ADAMTSL5: variants seen among roughly 807,000 people sequenced by gnomAD.
ADAMTSL5 encodes the protein ADAMTS-like protein 5.
A neutral mutation model predicts 51.7 loss-of-function variants in ADAMTSL5; 53 were observed. That is an observed-to-expected ratio of 1.03 (90% CI 0.82 to 1.29). The LOEUF (loss-of-function observed/expected upper bound fraction) is 1.29, where lower values mean the gene tolerates loss of function less well. Ranked by LOEUF, ADAMTSL5 falls within the 50% of genes most tolerant of loss-of-function variation. The pLI is 0.00. For synonymous variants in ADAMTSL5, 285 were observed against 278.7 expected (o/e 1.02, Z -0.23); for missense variants, 770 against 676.2 (o/e 1.14, Z -1.54).
intron 3 of ADAMTSL5, 29 bp downstream of exon 3, chr19:1,510,610 G>T: frequency 6.6e-7 from 1 of 1,513,972 alleles, no homozygotes; most frequent in Non-Finnish European, 8.9e-7. Flanking sequence ...GGGGAGGAGG[G>T]GCAGGGACCC....
intron 5 of ADAMTSL5, 42 bp downstream of exon 5, chr19:1,510,108 C>A: frequency 6.7e-7 from 1 of 1,491,818 alleles, no homozygotes; most frequent in South Asian, 1.2e-5. Flanking sequence ...ATGAGTTGTT[C>A]GCTCTGGACC....
intron 9 of ADAMTSL5, 33 bp downstream of exon 9, chr19:1,507,209 C>A (rs745317011): frequency 1.4e-5 from 22 of 1,517,750 alleles, no homozygotes; most frequent in Admixed American, 2.2e-5. Context: ...CCCCAGCCGA[C>A]CCCCTCTGAC....
chr19:1,510,297 C>A (rs1430652557), intron 4 of ADAMTSL5, 39 bp from the exon 5 acceptor site: 1 of 1,612,358 alleles, frequency 6.2e-7, no homozygotes, highest in South Asian at 1.1e-5. Flanking sequence ...CTGGGACAAC[C>A]CCAAGGGGCA....
chr19:1,507,307 G>T lies in ADAMTSL5; in HGVS notation c.787C>A (p.Arg263=). 1 of 1,590,852 alleles carries T rather than the reference G, an allele frequency of 6.3e-7. No individual in the cohort carries two copies. Among genetic ancestry groups the T allele is most frequent in the Non-Finnish European group, 8.6e-7 (1 of 1,167,864 alleles). The change falls in exon 9 of 12, where the codon CGA becomes AGA. Residue 263 remains arginine, a synonymous_variant. Coordinates refer to ENST00000330475, the MANE Select transcript of ADAMTSL5 (RefSeq NM_213604.3). ...EAAGTHVVYT[R]DTGPQETLQA... ...AATGTCTCCTGGGGCCCTGTGTCTC[G>T]GGTGTAGACCACATGCGTGCCGGCC...
chr19:1,508,853 T>A (rs142029004), intron 5 of ADAMTSL5: 3 of 332,606 alleles, frequency 9.0e-6, no homozygotes, highest in Non-Finnish European at 1.6e-5. Context: ...TTTAACACCA[T>A]TACTCATTCT....
In ADAMTSL5 at chr19:1,510,436, G is replaced by A. The variant is rs1437221307; in HGVS notation, c.192-8C>T. 6.2e-7 allele frequency: 1 copy of A among 1,608,022 alleles called. No homozygotes were observed. Among genetic ancestry groups the A allele is most frequent in the Non-Finnish European group, 8.5e-7 (1 of 1,178,354 alleles). On this transcript the variant is annotated splice_region_variant and splice_polypyrimidine_tract_variant and intron_variant, in intron 3 of 11. Coordinates refer to ENST00000330475, the MANE Select transcript of ADAMTSL5 (RefSeq NM_213604.3). Reference sequence around the variant, plus strand: ...GGTTCTTCCCCAGGAAGCCTGAAGGGAGACAGAGTGTGGCGAGAACCCCCA... The same window carrying A: ...GGTTCTTCCCCAGGAAGCCTGAAGGAAGACAGAGTGTGGCGAGAACCCCCA...
intron 3 of ADAMTSL5, 66 bp from the exon 4 acceptor site, chr19:1,510,494 C>A: frequency 6.5e-7 from 1 of 1,527,000 alleles, no homozygotes. Context: ...CTTCCACCCT[C>A]CGCCCCCGCC....
intron 7 of ADAMTSL5, 150 bp from the exon 8 acceptor site, chr19:1,507,793 T>C: frequency 9.9e-7 from 1 of 1,005,468 alleles, no homozygotes; most frequent in Non-Finnish European, 1.5e-6. Flanking sequence ...TTACAATTAC[T>C]ATTGCTTCAG....
chr19:1,508,198 G>C, intron 6 of ADAMTSL5, 89 bp from the exon 7 acceptor site: 4 of 1,412,158 alleles, frequency 2.8e-6, no homozygotes, highest in Non-Finnish European at 3.9e-6. Context: ...AGAGGACGAG[G>C]CCTGGAGGGA....
At position 1,506,766 on chromosome 19, in the gene ADAMTSL5, G is replaced by T; in HGVS notation, c.1015C>A (p.Pro339Thr). Residue 339 changes from proline to threonine, a missense_variant, in exon 10 of 12, where the codon CCT (proline) becomes ACT (threonine). Coordinates refer to ENST00000330475, the MANE Select transcript of ADAMTSL5 (RefSeq NM_213604.3). This position sits in a 1 kb window ranked among gnomAD's most constrained non-coding sequence, Gnocchi z 5.6. ...PQPPAAPAVT[P>T]AQTPTLAPDP... is the part of the protein sequence containing the mutation. ...GGGGCCAGCGTTGGGGTCTGTGCAG[G>T]GGTGACAGCAGGGGCTGCGGGGGGC... 6.4e-7 allele frequency: 1 copy of T among 1,551,802 alleles called. No homozygotes were observed.
rs1912856345 is a variant in ADAMTSL5 at position 1,505,227 on chromosome 19, G to C, written c.*788C>G. 6.6e-6 allele frequency: 1 copy of C among 152,236 alleles called. No homozygotes were observed. Among genetic ancestry groups the C allele is most frequent in the Non-Finnish European group, 1.5e-5 (1 of 68,168 alleles). 9.4% of individuals were successfully genotyped at this position (152,236 alleles called of 1,614,324 possible). On this transcript the variant is annotated 3_prime_UTR_variant, in exon 12 of 12. Coordinates refer to ENST00000330475, the MANE Select transcript of ADAMTSL5 (RefSeq NM_213604.3). ...TACAAAAAATTTAAAAGTTAGCCGG[G>C]CATGGTGATTCACACCTGGAGTTCC... is the stretch of plus-strand genomic sequence containing the variant.
In ADAMTSL5 at chr19:1,508,149, G is replaced by T. The variant is rs1459616549; in HGVS notation, c.490-40C>A. 5 of 1,561,192 alleles carry T rather than the reference G, an allele frequency of 3.2e-6. No homozygotes were observed. In the African/African-American group the frequency reaches 4.6e-5, roughly 14 times the overall value. On this transcript the variant is annotated intron_variant, in intron 6 of 11. Transcript: ENST00000330475. ...ACAGGCGCGGCGTCACTGACGCTGG[G>T]AGGGGCAGGACCTGGGGAAAGGGCA...
chr19:1,511,885 G>A (rs1361184010), intron 1 of ADAMTSL5: 5 of 282,632 alleles, frequency 1.8e-5, no homozygotes, highest in East Asian at 1.0e-4. Flanking sequence ...GCCCAGGTCC[G>A]TTCGGTGCCT....
At chr19:1,508,321 AAGGCGGTGGAGCCTAGGGAGGGGGTGG>A in intron 6 of ADAMTSL5, 95 bp downstream of exon 6, 2 of 1,235,124 alleles carry the variant, frequency 1.6e-6, no homozygotes, top group Admixed American at 6.3e-5. Flanking sequence ...GGGGAGGGGG[AAGGCGGTGGAGCCTAGGGAGGGGGTGG>A]AGGCTAATGG....
In ADAMTSL5 at chr19:1,510,652, G is replaced by C; in HGVS notation, c.178C>G (p.Arg60Gly). Residue 60 changes from arginine to glycine, a missense_variant, in exon 3 of 12, where the codon CGG (arginine) becomes GGG (glycine). Arg to Gly is a moderately radical substitution (Grantham distance 125). Transcript: ENST00000330475. ...GGCCCCGCTCACCGGAGGCAGCGCC[G>C]GCTGCGCACAGAGACGCCACGCCCG... The part of the protein sequence containing the change: ...SCGRGVSVRS[R>G]RCLRLPGEEP... 1 of 1,537,678 alleles carries C rather than the reference G, an allele frequency of 6.5e-7. No homozygotes were observed. Among genetic ancestry groups the C allele is most frequent in the Non-Finnish European group, 8.8e-7 (1 of 1,141,050 alleles).
At chr19:1,510,047 A>G in intron 5 of ADAMTSL5, 103 bp downstream of exon 5, 2 of 904,978 alleles carry the variant, frequency 2.2e-6, no homozygotes, top group Non-Finnish European at 3.3e-6. Flanking sequence ...AAGCCCTAGC[A>G]CTAATACCCT....
intron 1 of ADAMTSL5, among the ~76,000 whole-genome samples, chr19:1,512,205 C>T (rs1248922689): frequency 6.6e-6 from 1 of 152,202 alleles, no homozygotes. Context: ...GAGGCTGGGT[C>T]CCACCTGGAC....
chr19:1,511,687 A>G, intron 1 of ADAMTSL5: 5 of 811,654 alleles, frequency 6.2e-6, no homozygotes, highest in Non-Finnish European at 7.2e-6. Context: ...CCATCTGTGC[A>G]GTGGGGGCCA....
chr19:1,507,428 C>G, intron 8 of ADAMTSL5, 23 bp from the exon 9 acceptor site: 1 of 1,589,920 alleles, frequency 6.3e-7, no homozygotes, highest in East Asian at 2.2e-5. Flanking sequence ...AGTCAGCCCT[C>G]AGGAACCTGT....
Sources: gnomAD v4.1 joint callset for allele counts (sites outside exome capture counted in the v4.1 genomes callset) on GRCh38, gnomAD v4.1.1 for gene constraint, Gnocchi (gnomAD v3.1) non-coding constraint, MANE v1.5 for transcripts, NCBI Gene and HGNC (gene_info 2026-07-23, HGNC 2026-07-21) for gene names.